CELF4: variants seen among roughly 807,000 people sequenced by gnomAD.
The protein encoded by CELF4 is CUGBP Elav-like family member 4.
Under a neutral mutation model 59.9 loss-of-function variants are expected in CELF4, and 18 were observed. The observed-to-expected ratio is 0.30, with a 90% CI of 0.21 to 0.45. The LOEUF (loss-of-function observed/expected upper bound fraction) is 0.45. Ranked by LOEUF, CELF4 falls within the 20% of genes least tolerant of loss-of-function variation. The probability of loss-of-function intolerance (pLI) is 1.00; values close to 1 mark genes in which losing one functional copy is unlikely to be tolerated. For synonymous variants in CELF4, 261 were observed against 267.1 expected, an observed-to-expected ratio of 0.98 and a Z score of 0.22; for missense variants, 456 against 689.0, an observed-to-expected ratio of 0.66 and a Z score of 3.79.
intron 2 of CELF4, among the ~76,000 whole-genome samples, chr18:37,417,221 C>T (rs1227946050): frequency 6.6e-6 from 1 of 152,176 alleles, no homozygotes; most frequent in East Asian, 1.9e-4. Context: ...GGAGATAGGG[C>T]TGCTTGGGAG....
intron 1 of CELF4, among the ~76,000 whole-genome samples, chr18:37,540,616 G>A (rs1446033483): frequency 6.6e-6 from 1 of 152,150 alleles, no homozygotes; most frequent in Non-Finnish European, 1.5e-5. Flanking sequence ...GGAGCTCTGC[G>A]ACCTACATCA....
intron 1 of CELF4, among the ~76,000 whole-genome samples, chr18:37,511,615 A>G (rs1169657820): frequency 6.6e-6 from 1 of 151,654 alleles, no homozygotes; most frequent in Non-Finnish European, 1.5e-5. Flanking sequence ...TGTGAGCGCC[A>G]AACAGTGGGA....
At chr18:37,482,763 A>C (rs975519584) in intron 2 of CELF4, among the ~76,000 whole-genome samples, 1 of 152,064 alleles carries the variant, frequency 6.6e-6, no homozygotes, top group Non-Finnish European at 1.5e-5. Context: ...TATGACAGCA[A>C]TGGGATTATT....
intron 3 of CELF4, among the ~76,000 whole-genome samples, chr18:37,300,617 G>C (rs531183126): frequency 6.6e-6 from 1 of 152,362 alleles, no homozygotes; most frequent in African/African-American, 2.4e-5. Context: ...AGGGCACTGT[G>C]CAAATTGCCA....
intron 3 of CELF4, among the ~76,000 whole-genome samples, chr18:37,277,091 G>T (rs1443898776): frequency 6.6e-6 from 1 of 152,194 alleles, no homozygotes; most frequent in African/African-American, 2.4e-5. Context: ...TCAGGCCCCT[G>T]CCCTCCACAA....
chr18:37,285,432 A>C (rs2094641999), intron 3 of CELF4, among the ~76,000 whole-genome samples: 1 of 152,164 alleles, frequency 6.6e-6, no homozygotes, highest in African/African-American at 2.4e-5. Context: ...TTCTGGGCAG[A>C]GGTGTGGCAC....
At chr18:37,446,296 G>A (rs2099748052) in intron 2 of CELF4, among the ~76,000 whole-genome samples, 1 of 152,272 alleles carries the variant, frequency 6.6e-6, no homozygotes, top group Non-Finnish European at 1.5e-5. Flanking sequence ...TTGTATTGTA[G>A]GCCAGGGGCT....
At chr18:37,447,656 T>G (rs1374114231) in intron 2 of CELF4, among the ~76,000 whole-genome samples, 1 of 152,252 alleles carries the variant, frequency 6.6e-6, no homozygotes. Flanking sequence ...TCAGCTGTGA[T>G]GCCACATGGG....
At chr18:37,308,649 G>A (rs1026275598) in intron 3 of CELF4, among the ~76,000 whole-genome samples, 3 of 152,290 alleles carry the variant, frequency 2.0e-5, no homozygotes, top group African/African-American at 2.4e-5. Context: ...ACTGTCCCTC[G>A]AAGTTTAAAG....
At chr18:37,365,073 A>G (rs927125812) in intron 2 of CELF4, among the ~76,000 whole-genome samples, 1 of 152,150 alleles carries the variant, frequency 6.6e-6, no homozygotes. Context: ...GATTTATAGG[A>G]TAGGATGGGC....
At chr18:37,477,143 G>A (rs904226223) in intron 2 of CELF4, among the ~76,000 whole-genome samples, 1 of 152,172 alleles carries the variant, frequency 6.6e-6, no homozygotes. Flanking sequence ...GCCCATCCTT[G>A]CTCTGGGTCA....
chr18:37,403,969 G>A (rs2099356786), intron 2 of CELF4, among the ~76,000 whole-genome samples: 1 of 152,226 alleles, frequency 6.6e-6, no homozygotes, highest in Admixed American at 6.5e-5. Flanking sequence ...GCATGGCTTT[G>A]CCCCCCGCTG....
At chr18:37,427,508 G>A (rs910696231) in intron 2 of CELF4, among the ~76,000 whole-genome samples, 5 of 152,116 alleles carry the variant, frequency 3.3e-5, no homozygotes, top group Non-Finnish European at 5.9e-5. Flanking sequence ...GGCCTGACTC[G>A]AGTGTCCTTT....
chr18:37,528,004 T>C (rs2154604940), intron 1 of CELF4, among the ~76,000 whole-genome samples: 1 of 152,348 alleles, frequency 6.6e-6, no homozygotes, highest in African/African-American at 2.4e-5. Flanking sequence ...ACTTGGTAGA[T>C]ACTTAAAATC....
intron 1 of CELF4, among the ~76,000 whole-genome samples, chr18:37,530,178 A>G (rs1284787728): frequency 6.6e-6 from 1 of 152,226 alleles, no homozygotes; most frequent in Non-Finnish European, 1.5e-5. Flanking sequence ...TTTATTCATA[A>G]TAAGACTGAC....
chr18:37,485,458 G>T, intron 2 of CELF4, 67 bp downstream of exon 2: 1 of 1,026,382 alleles, frequency 9.7e-7, no homozygotes, highest in Non-Finnish European at 1.2e-6. Flanking sequence ...CCGCGCCGCC[G>T]CCCGGCCTCC....
intron 2 of CELF4, among the ~76,000 whole-genome samples, chr18:37,447,738 T>C (rs974761017): frequency 3.3e-5 from 5 of 152,248 alleles, no homozygotes; most frequent in African/African-American, 1.2e-4. Flanking sequence ...GATTCTTACC[T>C]GCCCTGGTGT....
intron 1 of CELF4, among the ~76,000 whole-genome samples, chr18:37,497,026 C>T (rs971688571): frequency 2.0e-5 from 3 of 152,154 alleles, no homozygotes; most frequent in African/African-American, 4.8e-5. Context: ...CCAAGTCATC[C>T]TGCAATCATT....
intron 1 of CELF4, among the ~76,000 whole-genome samples, chr18:37,548,438 C>T (rs1002225085): frequency 1.3e-5 from 2 of 152,084 alleles, no homozygotes; most frequent in East Asian, 1.9e-4. Flanking sequence ...AGCTTTGTCA[C>T]GAGGATGTAA....
Sources: gnomAD v4.1 joint callset for allele counts (sites outside exome capture counted in the v4.1 genomes callset) on GRCh38, gnomAD v4.1.1 for gene constraint, MANE v1.5 for transcripts, NCBI Gene and HGNC (gene_info 2026-07-23, HGNC 2026-07-21) for gene names.